Variants in HSPBAP1 observed in about 807,000 individuals in gnomAD.
The protein encoded by HSPBAP1 is HSPB1 associated protein 1.
A neutral mutation model predicts 45.2 loss-of-function variants in HSPBAP1; 27 were observed. The observed-to-expected ratio is 0.60, with a 90% CI of 0.44 to 0.82. The LOEUF is 0.82. HSPBAP1 is among the 40% of genes least tolerant of loss of function. HSPBAP1 has a pLI of 0.00. For synonymous variants in HSPBAP1, 204 were observed against 202.7 expected, an observed-to-expected ratio of 1.01 and a Z score of -0.06; for missense variants, 510 against 590.9, an observed-to-expected ratio of 0.86 and a Z score of 1.42.
At chr3:122,779,834 A>C (rs1935346996) in intron 1 of HSPBAP1, among the ~76,000 whole-genome samples, 1 of 152,072 alleles carries the variant, frequency 6.6e-6, no homozygotes, top group South Asian at 2.1e-4. Context: ...GTAAGGTCAC[A>C]GATCAACAGG....
chr3:122,792,520 C>A (rs1410603542), intron 1 of HSPBAP1, among the ~76,000 whole-genome samples: 1 of 152,010 alleles, frequency 6.6e-6, no homozygotes, highest in Non-Finnish European at 1.5e-5. Context: ...TTGGAATGGG[C>A]ATCTCCCCCT....
intron 1 of HSPBAP1, among the ~76,000 whole-genome samples, chr3:122,782,841 G>C (rs950976434): frequency 6.6e-6 from 1 of 152,238 alleles, no homozygotes; most frequent in African/African-American, 2.4e-5. Flanking sequence ...CAAAGAACTT[G>C]AGTAATTTGT....
intron 5 of HSPBAP1, 115 bp from the exon 6 acceptor site, chr3:122,752,789 A>T: frequency 7.2e-7 from 1 of 1,389,316 alleles, no homozygotes; most frequent in Non-Finnish European, 9.4e-7. Context: ...AATTCACAAT[A>T]ATATTGCTGG....
intron 1 of HSPBAP1, among the ~76,000 whole-genome samples, chr3:122,779,706 ACTCTTAACGAGCATG>A (rs1344931386): frequency 2.7e-5 from 4 of 149,110 alleles, no homozygotes; most frequent in Non-Finnish European, 6.0e-5. Context: ...ATTGGTGATG[ACTCTTAACGAGCATG>A]CTGCCTTCAA....
chr3:122,773,095 T>G (rs1935059387), intron 2 of HSPBAP1, among the ~76,000 whole-genome samples: 1 of 151,968 alleles, frequency 6.6e-6, no homozygotes, highest in African/African-American at 2.4e-5. Flanking sequence ...AAGTGATGCT[T>G]CTGTCTAGGC....
chr3:122,784,109 A>G (rs1366721587), intron 1 of HSPBAP1, among the ~76,000 whole-genome samples: 1 of 152,222 alleles, frequency 6.6e-6, no homozygotes, highest in Non-Finnish European at 1.5e-5. Flanking sequence ...GACTACAGGC[A>G]TGAGCCACCA....
At chr3:122,793,415 C>A (rs1230537787) in intron 1 of HSPBAP1, among the ~76,000 whole-genome samples, 1 of 152,232 alleles carries the variant, frequency 6.6e-6, no homozygotes, top group Non-Finnish European at 1.5e-5. Context: ...CACTCGTAGG[C>A]TACCCTACGA....
At chr3:122,749,371 T>G (rs999729041) in intron 6 of HSPBAP1, among the ~76,000 whole-genome samples, 28 of 152,040 alleles carry the variant, frequency 1.8e-4, no homozygotes, top group African/African-American at 6.8e-4. Context: ...AAAAGGTAAA[T>G]CCTAAAATTG....
chr3:122,780,690 C>T (rs34536113), intron 1 of HSPBAP1, among the ~76,000 whole-genome samples: 14,465 of 150,156 alleles, frequency 0.096, 492 homozygotes, highest in East Asian at 0.12. Flanking sequence ...GGGTGGCTGC[C>T]GGGCGGAGAG....
At chr3:122,772,956 C>T (rs979641772) in intron 2 of HSPBAP1, among the ~76,000 whole-genome samples, 2 of 151,914 alleles carry the variant, frequency 1.3e-5, no homozygotes, top group African/African-American at 4.8e-5. Context: ...TTAAGCAATC[C>T]TCCTGCCTCA....
chr3:122,780,484 C>G (rs878978213), intron 1 of HSPBAP1, among the ~76,000 whole-genome samples: 2 of 122,406 alleles, frequency 1.6e-5, no homozygotes, highest in African/African-American at 3.5e-5. Flanking sequence ...ACCTCCCGGA[C>G]GGGGCAGCTG....
intron 4 of HSPBAP1, among the ~76,000 whole-genome samples, chr3:122,757,106 C>T (rs781371799): frequency 6.6e-6 from 1 of 151,692 alleles, no homozygotes; most frequent in Non-Finnish European, 1.5e-5. Flanking sequence ...GATAACCATC[C>T]CATCCAATCT....
At chr3:122,749,843 C>T in intron 6 of HSPBAP1, among the ~76,000 whole-genome samples, 1 of 151,936 alleles carries the variant, frequency 6.6e-6, no homozygotes, top group East Asian at 1.9e-4. Context: ...ATCTCCTGAC[C>T]ATGTGATCTG....
At chr3:122,746,683 C>G (rs549476658) in intron 6 of HSPBAP1, among the ~76,000 whole-genome samples, 34 of 151,494 alleles carry the variant, frequency 2.2e-4, no homozygotes, top group African/African-American at 7.7e-4. Flanking sequence ...TCTCTTTCCA[C>G]GGTCTCCCTC....
At chr3:122,775,028 TTAAAA>T (rs1217529555) in intron 2 of HSPBAP1, among the ~76,000 whole-genome samples, 1 of 152,080 alleles carries the variant, frequency 6.6e-6, no homozygotes, top group Non-Finnish European at 1.5e-5. Context: ...CATCAAAACT[TTAAAA>T]TAAATTATGA....
At chr3:122,759,382 A>G in intron 3 of HSPBAP1, 22 bp from the exon 4 acceptor site, 1 of 1,609,452 alleles carries the variant, frequency 6.2e-7, no homozygotes, top group Non-Finnish European at 8.5e-7. Context: ...TAAAGTTGCA[A>G]TCCATCAAGA....
rs980255860 is a variant in HSPBAP1, at chr3:122,754,818, C to T, written c.741+442G>A. 31 of 987,164 alleles carry T rather than the reference C, an allele frequency of 3.1e-5. No homozygotes were observed. In the African/African-American group the frequency reaches 4.2e-4, roughly 13 times the overall value. The allele number at this position is 987,164 out of a possible 1,614,324, so 61.2% of individuals were successfully genotyped here. A position where few individuals can be genotyped will look rare whatever the true frequency, so the allele number is the denominator to read the frequency against. ...ATTTTTGCTTAAAAGCAAACATTCT[C>T]GGTTCCTTCTGCCCGTTGGCCCACA... On this transcript the variant is annotated intron_variant, in intron 5 of 7. Transcript: ENST00000306103.
intron 2 of HSPBAP1, among the ~76,000 whole-genome samples, chr3:122,776,619 C>T (rs992567313): frequency 1.3e-5 from 2 of 152,156 alleles, no homozygotes; most frequent in Admixed American, 6.5e-5. Flanking sequence ...ACAGACACTT[C>T]AGTGAGAGGC....
intron 3 of HSPBAP1, among the ~76,000 whole-genome samples, chr3:122,760,065 G>A (rs1934513299): frequency 6.6e-6 from 1 of 152,070 alleles, no homozygotes. Context: ...AACTTCTTAA[G>A]TGCAATGATC....
Sources: gnomAD v4.1 joint callset for allele counts (sites outside exome capture counted in the v4.1 genomes callset) on GRCh38, gnomAD v4.1.1 for gene constraint, MANE v1.5 for transcripts, NCBI Gene and HGNC (gene_info 2026-07-23, HGNC 2026-07-21) for gene names.